PDCD7: variants seen among roughly 807,000 people sequenced by gnomAD.
PDCD7 encodes the protein programmed cell death 7.
Under a neutral mutation model 42.1 loss-of-function variants are expected in PDCD7, and 40 were observed. The observed-to-expected ratio is 0.95, with a 90% CI of 0.74 to 1.24. PDCD7 has a LOEUF of 1.24. Among genes scored for constraint, PDCD7 ranks in the 50% most tolerant of loss-of-function variants. The pLI, the probability that PDCD7 is intolerant of heterozygous loss-of-function variation, is 0.00. For missense variants in PDCD7, 644 were observed against 662.8 expected, an observed-to-expected ratio of 0.97 and a Z score of 0.31; for synonymous variants, 299 against 303.3, an observed-to-expected ratio of 0.99 and a Z score of 0.15.
At chr15:65,128,622 C>G (rs1039972448) in intron 2 of PDCD7, among the ~76,000 whole-genome samples, 3 of 152,196 alleles carry the variant, frequency 2.0e-5, no homozygotes, top group African/African-American at 7.2e-5. Flanking sequence ...AGAAATAATT[C>G]AGGTTTGAAA....
At chr15:65,128,286 A>G (rs2087512146) in intron 2 of PDCD7, among the ~76,000 whole-genome samples, 1 of 152,244 alleles carries the variant, frequency 6.6e-6, no homozygotes, top group African/African-American at 2.4e-5. Flanking sequence ...ACCTCAGCCC[A>G]GATCAGGGAA....
At position 65,133,273 on chromosome 15, in the gene PDCD7, C is replaced by G. The variant is rs1370413110; in HGVS notation, c.509G>C (p.Ser170Thr). 2 of 1,328,062 alleles carry G rather than the reference C, an allele frequency of 1.5e-6. No individual in the cohort carries two copies. The highest frequency in any genetic ancestry group is 1.9e-6 in the Non-Finnish European group (2 of 1,046,166). The allele number at this position is 1,328,062 out of a possible 1,614,324, so 82.3% of individuals were successfully genotyped here. A position where few individuals can be genotyped will look rare whatever the true frequency, so the allele number is the denominator to read the frequency against. ...CAATCGCGCGCGCACTTCGCCAAGG[C>G]TGGGCCCGGCATGCGTGCGCTGGGG... ...PVPQRTHAGP[S>T]LGEVRARLLR... The change falls in exon 1 of 5, where the codon AGC (serine) becomes ACC (threonine). Residue 170 changes from serine to threonine, a missense_variant. Physicochemically the swap from Ser to Thr is moderately conservative, Grantham distance 58 (BLOSUM62 1). Coordinates refer to ENST00000204549, the MANE Select transcript of PDCD7 (RefSeq NM_005707.2).
At position 65,130,412 on chromosome 15, in the gene PDCD7, C is replaced by T. The variant is rs371643907; in HGVS notation, c.871-1242G>A. Among the ~76,000 whole-genome samples, 25 of 152,136 alleles carry T rather than the reference C, an allele frequency of 1.6e-4. No individual in the cohort carries two copies. The East Asian group carries it at 4.6e-3, about 28-fold the overall frequency. ...ACCTCAGGTGATCCGCCCGCCTTGGCCTCTCAAAGTGTTGGGATTACAGGC... is the reference window on the plus strand; with the variant it reads ...ACCTCAGGTGATCCGCCCGCCTTGGTCTCTCAAAGTGTTGGGATTACAGGC... On this transcript the variant is annotated intron_variant, in intron 1 of 4. Coordinates refer to ENST00000204549, the MANE Select transcript of PDCD7 (RefSeq NM_005707.2).
chr15:65,126,574 C>T lies in PDCD7; in HGVS notation c.1009+2458G>A, dbSNP rs111363787. 9.6e-3 allele frequency among the ~76,000 whole-genome samples: 1,461 copies of T among 151,908 alleles called. 28 individuals carry two copies. Among genetic ancestry groups the T allele is most frequent in the African/African-American group, 0.029 (1,195 of 41,332 alleles). ...TTCGAGACCAGCTTGGGCAACATGG[C>T]GAAACTCTATCTCTACAAAAAATTT... On this transcript the variant is annotated intron_variant, in intron 2 of 4. Coordinates refer to ENST00000204549, the MANE Select transcript of PDCD7 (RefSeq NM_005707.2).
Position 65,133,047 on chromosome 15 carries a change from G to A in PDCD7, c.735C>T (p.Arg245=), listed in dbSNP as rs1268615935. 4 of 1,591,110 alleles carry A rather than the reference G, an allele frequency of 2.5e-6. No homozygotes were observed. Among genetic ancestry groups the A allele is most frequent in the Non-Finnish European group, 3.4e-6 (4 of 1,174,742 alleles). ...ARRRLERVRR[R]RLRLRERARE... ...GGGCCCTCTCGCGAAGCCGCAGCCG[G>A]CGGCGCCGGACCCTCTCCAGCCTCC... The change falls in exon 1 of 5, where the codon CGC becomes CGT. Residue 245 remains arginine (R), a synonymous_variant. Transcript: ENST00000204549.
At chr15:65,125,603 A>G (rs2087489378) in intron 2 of PDCD7, among the ~76,000 whole-genome samples, 1 of 152,238 alleles carries the variant, frequency 6.6e-6, no homozygotes, top group Non-Finnish European at 1.5e-5. Context: ...TTGATAATAA[A>G]AAGAATAATA....
chr15:65,122,048 T>C (rs1326860745), intron 2 of PDCD7, among the ~76,000 whole-genome samples: 1 of 152,060 alleles, frequency 6.6e-6, no homozygotes, highest in Non-Finnish European at 1.5e-5. Context: ...CAATACCAGA[T>C]ACAGGGCCAA....
At chr15:65,118,986 AC>A (rs1479252903) in intron 4 of PDCD7, 146 bp from the exon 5 acceptor site, 1 of 547,070 alleles carries the variant, frequency 1.8e-6, no homozygotes, top group African/African-American at 2.0e-5. Context: ...CAAGAAAATG[AC>A]TATATTTCTT....
intron 4 of PDCD7, chr15:65,119,099 T>G (rs987176579): frequency 2.1e-6 from 1 of 475,456 alleles, no homozygotes; most frequent in African/African-American, 2.0e-5. Flanking sequence ...ATTCTGTATT[T>G]GCATATGTGC....
intron 2 of PDCD7, among the ~76,000 whole-genome samples, chr15:65,120,318 A>T (rs2087443246): frequency 6.7e-6 from 1 of 148,984 alleles, no homozygotes; most frequent in Admixed American, 6.7e-5. Context: ...CATCTAGCCA[A>T]TTTTTTTTTT....
intron 2 of PDCD7, among the ~76,000 whole-genome samples, chr15:65,124,972 G>A (rs1426410788): frequency 6.6e-6 from 1 of 152,082 alleles, no homozygotes. Flanking sequence ...AGTCTCTGTT[G>A]GCTCTCACCC....
At chr15:65,128,712 G>A (rs2140584531) in intron 2 of PDCD7, among the ~76,000 whole-genome samples, 1 of 152,340 alleles carries the variant, frequency 6.6e-6, no homozygotes. Flanking sequence ...TCTGGCACAA[G>A]GCAAAGGTGA....
chr15:65,118,985 G>T, intron 4 of PDCD7, 145 bp from the exon 5 acceptor site: 1 of 545,608 alleles, frequency 1.8e-6, no homozygotes, highest in Non-Finnish European at 3.0e-6. Flanking sequence ...TCAAGAAAAT[G>T]ACTATATTTC....
rs1566973236 is a variant in PDCD7, at chr15:65,130,923, T to C, written c.871-1753A>G. 4.6e-5 allele frequency among the ~76,000 whole-genome samples: 7 copies of C among 152,106 alleles called. No homozygotes were observed. In the South Asian group the frequency reaches 1.2e-3, roughly 27 times the overall value. Reference sequence around the variant, plus strand: ...CCTCAGTAAATCAGATGTTCCTTCTTTGGGCTTTTACAGCACCTATAGTTG... The same window carrying C: ...CCTCAGTAAATCAGATGTTCCTTCTCTGGGCTTTTACAGCACCTATAGTTG... On this transcript the variant is annotated intron_variant, in intron 1 of 4. Transcript: ENST00000204549.
Position 65,133,326 on chromosome 15 carries a change from C to T in PDCD7, c.456G>A (p.Gly152=). 7.8e-7 allele frequency: 1 copy of T among 1,288,824 alleles called. No homozygotes were observed. The allele number at this position is 1,288,824 out of a possible 1,614,324, so 79.8% of individuals were successfully genotyped here. The part of the protein sequence containing the change: ...RDRQWLEAVF[G]TPRRAGCPVP... ...CCGGACAGCCTGCCCGCCGCGGGGT[C>T]CCGAACACCGCCTCCAGCCACTGCC... The change falls in exon 1 of 5, where the codon GGG becomes GGA. Residue 152 remains glycine (G), a synonymous_variant. Transcript: ENST00000204549.
chr15:65,130,863 AGCT>A (rs1001634366), intron 1 of PDCD7, among the ~76,000 whole-genome samples: 8 of 151,850 alleles, frequency 5.3e-5, no homozygotes, highest in African/African-American at 1.9e-4. Flanking sequence ...AAAAAGACTC[AGCT>A]TACGTGTCAT....
chr15:65,130,538 G>A (rs533144414), intron 1 of PDCD7, among the ~76,000 whole-genome samples: 18 of 152,126 alleles, frequency 1.2e-4, no homozygotes, highest in Non-Finnish European at 1.9e-4. Context: ...CTTGCCTAAA[G>A]TGCTCTCCCC....
chr15:65,130,778 G>A (rs541810090), intron 1 of PDCD7, among the ~76,000 whole-genome samples: 1 of 152,150 alleles, frequency 6.6e-6, no homozygotes, highest in East Asian at 1.9e-4. Context: ...GGGAGGCAGA[G>A]GTTGCAGCGA....
At chr15:65,123,385 A>C (rs2087472490) in intron 2 of PDCD7, among the ~76,000 whole-genome samples, 1 of 152,094 alleles carries the variant, frequency 6.6e-6, no homozygotes, top group South Asian at 2.1e-4. Flanking sequence ...ACAGTGTTTC[A>C]CCATGTTGGC....
Sources: allele counts gnomAD v4.1 joint callset (sites outside exome capture counted in the v4.1 genomes callset), GRCh38; gene constraint gnomAD v4.1.1; transcripts MANE v1.5; gene names NCBI Gene and HGNC (gene_info 2026-07-23, HGNC 2026-07-21).